The following UNC13C variants were observed in gnomAD, a reference collection of about 807,000 sequenced individuals.
UNC13C encodes protein unc-13 homolog C.
In UNC13C, 174 loss-of-function variants were observed where a neutral mutation model predicts 245.4. The observed-to-expected ratio is 0.71, with a 90% CI of 0.63 to 0.80. The LOEUF is 0.80. Ranked by LOEUF, UNC13C falls within the 30% of genes least tolerant of loss-of-function variation. The probability of loss-of-function intolerance (pLI) is 0.00; values close to 1 mark genes in which losing one functional copy is unlikely to be tolerated. For synonymous variants in UNC13C, 992 were observed against 895.1 expected (o/e 1.11, Z -1.93); for missense variants, 2,829 against 2,602.9 (o/e 1.09, Z -1.89).
intron 2 of UNC13C, among the ~76,000 whole-genome samples, chr15:54,096,927 G>A (rs1210409257): frequency 6.6e-6 from 1 of 152,090 alleles, no homozygotes; most frequent in African/African-American, 2.4e-5. Flanking sequence ...AGAGGATATC[G>A]ACCTTAAATG....
At chr15:54,473,482 C>T (rs1892567355) in intron 19 of UNC13C, among the ~76,000 whole-genome samples, 1 of 151,730 alleles carries the variant, frequency 6.6e-6, no homozygotes, top group Non-Finnish European at 1.5e-5. Context: ...ATGTTTGCAC[C>T]CATTAACCAA....
At chr15:53,908,700 C>T in the UNC13C span, among the ~76,000 whole-genome samples, 7,195 of 122,326 alleles carry the variant, frequency 0.059, 857 homozygotes, top group African/African-American at 0.2. Flanking sequence ...TGCAGTGAGA[C>T]GAGATTGCAC....
chr15:54,058,214 G>A (rs1370429503), intron 2 of UNC13C, among the ~76,000 whole-genome samples: 1 of 151,864 alleles, frequency 6.6e-6, no homozygotes, highest in African/African-American at 2.4e-5. Context: ...TAGACAACTA[G>A]CAAGACTAAT....
the UNC13C span, chr15:53,911,585 A>G: frequency 2.0e-5 from 3 of 152,216 alleles, no homozygotes; most frequent in Non-Finnish European, 4.4e-5. Context: ...TCTGGCTTCT[A>G]TCACAACTCA....
chr15:54,013,701 C>T lies in UNC13C; in HGVS notation c.798C>T (p.His266=), dbSNP rs777792735. ...CAGAACTTTCTGAACTACGAGGGCA[C>T]GTCAATGCTCTCAAGCACTCCATCG... ...IETELSELRG[H]VNALKHSIDE... is the part of the protein sequence containing the mutation. The change falls in exon 2 of 33, where the codon CAC becomes CAT. Residue 266 remains histidine, a synonymous_variant. Coordinates refer to ENST00000260323, the MANE Select transcript of UNC13C (RefSeq NM_001080534.3). 2.9e-5 allele frequency: 46 copies of T among 1,613,338 alleles called. No individual in the cohort carries two copies. The highest frequency in any genetic ancestry group is 1.4e-4 in the South Asian group (13 of 91,044).
chr15:53,930,530 C>T, the UNC13C span, among the ~76,000 whole-genome samples: 23,425 of 152,088 alleles, frequency 0.15, 2,143 homozygotes, highest in Middle Eastern at 0.23. Context: ...GTGGTAAATA[C>T]ACAAACACTG....
At chr15:54,469,249 T>G (rs1892331023) in intron 19 of UNC13C, among the ~76,000 whole-genome samples, 1 of 151,608 alleles carries the variant, frequency 6.6e-6, no homozygotes, top group South Asian at 2.1e-4. Flanking sequence ...TGTGTAGAAA[T>G]GATACTAATT....
intron 2 of UNC13C, among the ~76,000 whole-genome samples, chr15:54,138,310 T>C (rs2031836019): frequency 6.6e-6 from 1 of 152,130 alleles, no homozygotes; most frequent in Non-Finnish European, 1.5e-5. Context: ...TTCAACAATA[T>C]GATTATTAAA....
rs1211243067 is a variant in UNC13C, at chr15:54,015,628, T to G, written c.2725T>G (p.Ser909Ala). The change falls in exon 2 of 33, where the codon TCA becomes GCA. Residue 909 changes from serine (S) to alanine (A), a missense_variant. Ser to Ala is a moderately conservative substitution (Grantham distance 99). Coordinates refer to ENST00000260323, the MANE Select transcript of UNC13C (RefSeq NM_001080534.3). ...ACAAATGCAAGCATATGATCACCTT[T>G]CATATGAAACACCTTATGAAACCCC... is the stretch of plus-strand genomic sequence containing the variant. ...DEQMQAYDHL[S>A]YETPYETPQD... The G allele has an allele frequency of 1.9e-6, 3 of 1,613,788 alleles. No individual in the cohort carries two copies. Among genetic ancestry groups the G allele is most frequent in the Non-Finnish European group, 1.7e-6 (2 of 1,179,782 alleles).
chr15:54,220,908 A>G (rs1327284706), intron 4 of UNC13C, among the ~76,000 whole-genome samples: 2 of 152,008 alleles, frequency 1.3e-5, no homozygotes, highest in Non-Finnish European at 2.9e-5. Context: ...GTGGTTTGCT[A>G]CTTGGGATGA....
At chr15:53,920,380 C>A in the UNC13C span, among the ~76,000 whole-genome samples, 70 of 152,132 alleles carry the variant, frequency 4.6e-4, no homozygotes, top group African/African-American at 1.6e-3. Flanking sequence ...ATGATGAAAC[C>A]CTGTCTCTAC....
intron 4 of UNC13C, among the ~76,000 whole-genome samples, chr15:54,179,640 G>A (rs1161712293): frequency 1.3e-5 from 2 of 151,988 alleles, no homozygotes; most frequent in East Asian, 1.9e-4. Flanking sequence ...GAGCTACAGC[G>A]AGAAATTCAA....
chr15:54,297,590 G>A (rs1295791674), intron 11 of UNC13C, among the ~76,000 whole-genome samples: 1 of 152,082 alleles, frequency 6.6e-6, no homozygotes, highest in East Asian at 1.9e-4. Flanking sequence ...CTAGCATTAA[G>A]TGGTCCTCCC....
At chr15:54,452,955 A>G (rs1383024083) in intron 19 of UNC13C, among the ~76,000 whole-genome samples, 1 of 152,134 alleles carries the variant, frequency 6.6e-6, no homozygotes, top group Non-Finnish European at 1.5e-5. Context: ...GGGGATGACA[A>G]TGGGATTCTA....
the UNC13C span, among the ~76,000 whole-genome samples, chr15:53,945,474 A>C: frequency 6.6e-6 from 1 of 152,120 alleles, no homozygotes; most frequent in Non-Finnish European, 1.5e-5. Context: ...CTAGCCAGTT[A>C]TCTCAGCTCT....
intron 2 of UNC13C, among the ~76,000 whole-genome samples, chr15:54,038,118 A>ATTTTTTTTTTTTTTTTTTTTT: frequency 3.5e-5 from 1 of 28,800 alleles, no homozygotes; most frequent in Non-Finnish European, 6.3e-5. Context: ...ATATATATAT[A>ATTTTTTTTTTTTTTTTTTTTT]TATATATTTT....
At chr15:54,475,439 T>C (rs202033383) in intron 19 of UNC13C, among the ~76,000 whole-genome samples, 1 of 151,770 alleles carries the variant, frequency 6.6e-6, no homozygotes, top group Non-Finnish European at 1.5e-5. Context: ...GTATATCTCC[T>C]AATGCTATCC....
chr15:54,203,892 GTA>G (rs143456628), intron 4 of UNC13C, among the ~76,000 whole-genome samples: 22,419 of 114,750 alleles, frequency 0.2, 2,025 homozygotes, highest in Middle Eastern at 0.27. Flanking sequence ...ATGTGTATAT[GTA>G]TATGTGTGTG....
chr15:54,241,142 G>T (rs546153193), intron 7 of UNC13C, among the ~76,000 whole-genome samples: 61 of 152,292 alleles, frequency 4.0e-4, no homozygotes, highest in African/African-American at 1.4e-3. Context: ...AAACCAGGTA[G>T]AGGGAGAAAT....
Sources: gnomAD v4.1 joint callset for allele counts (sites outside exome capture counted in the v4.1 genomes callset) on GRCh38, gnomAD v4.1.1 for gene constraint, MANE v1.5 for transcripts, NCBI Gene and HGNC (gene_info 2026-07-23, HGNC 2026-07-21) for gene names.